Variants in AGBL3 observed in about 807,000 individuals in gnomAD.
AGBL3 encodes cytosolic carboxypeptidase 3.
A neutral mutation model predicts 94.5 loss-of-function variants in AGBL3; 68 were observed. The observed-to-expected ratio is 0.72, with a 90% CI of 0.59 to 0.88. AGBL3 has a LOEUF of 0.88. Ranked by LOEUF, AGBL3 falls within the 40% of genes least tolerant of loss-of-function variation. The pLI is 0.00. For synonymous variants in AGBL3, 354 were observed against 370.7 expected, an observed-to-expected ratio of 0.95 and a Z score of 0.52; for missense variants, 934 against 1,103.8, an observed-to-expected ratio of 0.85 and a Z score of 2.18.
intron 11 of AGBL3, among the ~76,000 whole-genome samples, chr7:135,056,230 A>G (rs1818338174): frequency 6.6e-6 from 1 of 151,784 alleles, no homozygotes; most frequent in Non-Finnish European, 1.5e-5. Flanking sequence ...TTGATTATTG[A>G]TTCCCTGTTT....
intron 16 of AGBL3, among the ~76,000 whole-genome samples, chr7:135,122,647 T>C (rs913086712): frequency 3.3e-5 from 5 of 152,150 alleles, no homozygotes; most frequent in African/African-American, 1.2e-4. Flanking sequence ...ATCAGGCTGG[T>C]ACCCCTTGAG....
intron 1 of AGBL3, among the ~76,000 whole-genome samples, chr7:134,987,656 A>G (rs1210302154): frequency 6.6e-6 from 1 of 152,186 alleles, no homozygotes; most frequent in Non-Finnish European, 1.5e-5. Context: ...TTTTAATTAA[A>G]TGATTTGCTT....
intron 12 of AGBL3, among the ~76,000 whole-genome samples, chr7:135,061,489 C>T (rs908081979): frequency 5.3e-5 from 8 of 152,060 alleles, no homozygotes; most frequent in Non-Finnish European, 1.2e-4. Flanking sequence ...GAGCCTTTCC[C>T]CTATACTTTT....
At chr7:135,055,983 G>C (rs987214016) in intron 11 of AGBL3, among the ~76,000 whole-genome samples, 19 of 151,316 alleles carry the variant, frequency 1.3e-4, no homozygotes, top group African/African-American at 3.6e-4. Context: ...CTCCCAGTGT[G>C]AGTTCTGGTA....
chr7:135,015,380 A>C (rs1237520351), intron 4 of AGBL3, among the ~76,000 whole-genome samples: 4 of 152,210 alleles, frequency 2.6e-5, no homozygotes, highest in Non-Finnish European at 5.9e-5. Context: ...CCATTCATTC[A>C]TCTCTCCATA....
At position 135,010,213 on chromosome 7, in the gene AGBL3, A is replaced by G. The variant is rs1205542758; in HGVS notation, c.311-6839A>G. 1.3e-5 allele frequency: 4 copies of G among 313,142 alleles called. No homozygotes were observed. In the Admixed American group the frequency reaches 1.4e-4, roughly 11 times the overall value. 19.4% of individuals were successfully genotyped at this position (313,142 alleles called of 1,614,324 possible). A position where few individuals can be genotyped will look rare whatever the true frequency, so the allele number is the denominator to read the frequency against. On this transcript the variant is annotated intron_variant, in intron 4 of 16. Coordinates refer to ENST00000436302, the MANE Select transcript of AGBL3 (RefSeq NM_178563.4). ...TCAGCTAATTTTGTATTTTTAGTAG[A>G]GACGGGGTTTCACCATGTTGGCCAG... is the stretch of plus-strand genomic sequence containing the variant.
At chr7:135,093,877 G>A (rs1336168891) in intron 15 of AGBL3, 1 of 152,756 alleles carries the variant, frequency 6.5e-6, no homozygotes, top group Non-Finnish European at 1.5e-5. Context: ...GAGACTGTGT[G>A]GTACTGGCCT....
At position 135,074,422 on chromosome 7, in the gene AGBL3, C is replaced by T. The variant is rs76834128; in HGVS notation, c.1909-1975C>T. On this transcript the variant is annotated intron_variant, in intron 12 of 16. Transcript: ENST00000436302. ...TTAAATTCTCTAACAAAATTTAAGACAGTTGCCAGAAGAAGAGGGAATGGG... is the reference window on the plus strand; with the variant it reads ...TTAAATTCTCTAACAAAATTTAAGATAGTTGCCAGAAGAAGAGGGAATGGG... 1.4e-3 allele frequency among the ~76,000 whole-genome samples: 219 copies of T among 152,216 alleles called. 1 individual carries two copies. Among genetic ancestry groups the T allele is most frequent in the African/African-American group, 4.7e-3 (194 of 41,542 alleles).
At chr7:135,021,415 C>T (rs1197003489) in intron 5 of AGBL3, among the ~76,000 whole-genome samples, 2 of 151,880 alleles carry the variant, frequency 1.3e-5, no homozygotes, top group African/African-American at 4.8e-5. Flanking sequence ...CCTCAGCCTC[C>T]CGAGTAGCTG....
intron 4 of AGBL3, chr7:135,012,484 A>G (rs1018290854): frequency 2.0e-5 from 3 of 152,164 alleles, no homozygotes; most frequent in Admixed American, 1.3e-4. Context: ...TTTCATAAGT[A>G]TAATACCTAA....
rs1817618926 is a variant in AGBL3, at chr7:135,048,868, G to A, written c.1841+2957G>A. 2.0e-5 allele frequency among the ~76,000 whole-genome samples: 3 copies of A among 151,078 alleles called. No individual in the cohort carries two copies. The Middle Eastern group carries it at 0.01, about 514-fold the overall frequency. On this transcript the variant is annotated intron_variant, in intron 11 of 16. Coordinates refer to ENST00000436302, the MANE Select transcript of AGBL3 (RefSeq NM_178563.4). ...TTCCAGTTTACATGCCTTTTCATTC[G>A]TTCTCTTGCCTAATTGCTCTGGCTT...
At chr7:134,999,979 C>T (rs1223585016) in intron 4 of AGBL3, among the ~76,000 whole-genome samples, 1 of 152,194 alleles carries the variant, frequency 6.6e-6, no homozygotes, top group Non-Finnish European at 1.5e-5. Flanking sequence ...GCCCAGGTGG[C>T]CATAGGATTT....
At position 135,115,420 on chromosome 7, in the gene AGBL3, A is replaced by C. The variant is rs1314581164; in HGVS notation, c.2151A>C (p.Ile717=). 4 of 1,551,340 alleles carry C rather than the reference A, an allele frequency of 2.6e-6. No individual in the cohort carries two copies. The South Asian group carries it at 4.8e-5, about 18-fold the overall frequency. Residue 717 remains isoleucine (I), a synonymous_variant, in exon 16 of 17, where the codon ATA becomes ATC. Transcript: ENST00000436302. ...TAAAAAGCAAAATAAAAGAATGCAT[A>C]TCTTTCCAAAGCAAGAAGACTGGCA... ...HNLKSKIKEC[I]SFQSKKTGIN... is the part of the protein sequence containing the mutation.
chr7:135,133,067 G>GCA (rs55861736), intron 16 of AGBL3, among the ~76,000 whole-genome samples: 3,475 of 150,408 alleles, frequency 0.023, 53 homozygotes, highest in African/African-American at 0.041. Context: ...ACGCATGCGT[G>GCA]CACACACACA....
At position 135,056,294 on chromosome 7, in the gene AGBL3, T is replaced by C. The variant is rs538214314; in HGVS notation, c.1842-2875T>C. ...TTTTTTTCTGCTTGCATTACGTCTC[T>C]ATTTCTCCTTTTTCTGATTTCCTAA... On this transcript the variant is annotated intron_variant, in intron 11 of 16. Coordinates refer to ENST00000436302, the MANE Select transcript of AGBL3 (RefSeq NM_178563.4). Among the ~76,000 whole-genome samples, 3 of 152,156 alleles carry C rather than the reference T, an allele frequency of 2.0e-5. No individual in the cohort carries two copies. The South Asian group carries it at 6.2e-4, about 32-fold the overall frequency.
intron 15 of AGBL3, among the ~76,000 whole-genome samples, chr7:135,108,422 A>C (rs1351743339): frequency 6.6e-6 from 1 of 152,174 alleles, no homozygotes; most frequent in East Asian, 1.9e-4. Context: ...CTCCCTCAGC[A>C]TTGGCTTATC....
At chr7:135,096,652 A>G (rs1269483784) in intron 15 of AGBL3, among the ~76,000 whole-genome samples, 1 of 126,756 alleles carries the variant, frequency 7.9e-6, no homozygotes, top group Non-Finnish European at 1.8e-5. Context: ...CTGGTGGAAG[A>G]ACTTATACAA....
chr7:135,017,952 A>T (rs1813994074), intron 5 of AGBL3, among the ~76,000 whole-genome samples: 1 of 152,244 alleles, frequency 6.6e-6, no homozygotes, highest in African/African-American at 2.4e-5. Flanking sequence ...CAGAACTGCC[A>T]TACATAACTG....
In AGBL3 at chr7:135,115,516, G is replaced by A; in HGVS notation, c.2247G>A (p.Gln749=). ...TAGTTCAAACTCAAGAAATATTGCA[G>A]TATTTGCTCCCCATCGTGCATAGCA... ...KGIVQTQEIL[Q]YLLPIVHSTK... Residue 749 remains glutamine (Q), a synonymous_variant, in exon 16 of 17, where the codon CAG becomes CAA. Coordinates refer to ENST00000436302, the MANE Select transcript of AGBL3 (RefSeq NM_178563.4). 1 of 1,551,494 alleles carries A rather than the reference G, an allele frequency of 6.4e-7. No homozygotes were observed. The highest frequency in any genetic ancestry group is 8.7e-7 in the Non-Finnish European group (1 of 1,146,844).
Sources: gnomAD v4.1 joint callset for allele counts (sites outside exome capture counted in the v4.1 genomes callset) on GRCh38, gnomAD v4.1.1 for gene constraint, MANE v1.5 for transcripts, NCBI Gene and HGNC (gene_info 2026-07-23, HGNC 2026-07-21) for gene names.